RASGRF1: variants seen among roughly 807,000 people sequenced by gnomAD.
RASGRF1 encodes the protein ras-specific guanine nucleotide-releasing factor 1.
RASGRF1 carries 40 observed loss-of-function variants against 138.7 expected under a neutral mutation model. The observed-to-expected ratio is 0.29, with a 90% CI of 0.22 to 0.38. The LOEUF (loss-of-function observed/expected upper bound fraction) is 0.38, where lower values mean the gene tolerates loss of function less well. Ranked by LOEUF, RASGRF1 falls within the 10% of genes least tolerant of loss-of-function variation. RASGRF1 has a pLI of 1.00. For missense variants in RASGRF1, 1,108 were observed against 1,650.4 expected (o/e 0.67, Z 5.69); for synonymous variants, 614 against 663.2 (o/e 0.93, Z 1.14).
chr15:79,026,118 C>A (rs1037850199), intron 9 of RASGRF1, among the ~76,000 whole-genome samples: 4 of 151,996 alleles, frequency 2.6e-5, no homozygotes, highest in African/African-American at 9.7e-5. Context: ...CTCTGGTGTA[C>A]CCACCCTAAT....
intron 24 of RASGRF1, among the ~76,000 whole-genome samples, chr15:78,975,919 G>C (rs753937056): frequency 1.3e-5 from 2 of 152,152 alleles, no homozygotes. Flanking sequence ...CTCTGGAGTC[G>C]TAAGGCTGTG....
At position 79,017,906 on chromosome 15, in the gene RASGRF1, G is replaced by C. The variant is rs749019333; in HGVS notation, c.1607C>G (p.Ala536Gly). The C allele has an allele frequency of 6.2e-7, 1 of 1,611,336 alleles. No individual in the cohort carries two copies. The highest frequency in any genetic ancestry group is 8.5e-7 in the Non-Finnish European group (1 of 1,179,270). Residue 536 changes from alanine to glycine, a missense_variant and splice_region_variant, in exon 12 of 27, where the codon GCC becomes GGC. By Grantham distance (60) the Ala-to-Gly change is moderately conservative (BLOSUM62 0). Transcript: ENST00000558480. ...LEEPESTEEEAKGSGQDIDHL... is the reference protein window; with the variant it reads ...LEEPESTEEEGKGSGQDIDHL... ...ATCTATGTCTTGGCCGGATCCTTTGGCTTCCAGTTGTAAAACATAAAGTTA... is the reference window on the plus strand; with the variant it reads ...ATCTATGTCTTGGCCGGATCCTTTGCCTTCCAGTTGTAAAACATAAAGTTA...
intron 1 of RASGRF1, among the ~76,000 whole-genome samples, chr15:79,089,863 T>C (rs1339765300): frequency 6.6e-6 from 1 of 151,906 alleles, no homozygotes; most frequent in Non-Finnish European, 1.5e-5. Flanking sequence ...GGAGTGGGGG[T>C]TGGGAGCACC....
At chr15:79,019,994 G>T in intron 11 of RASGRF1, 47 bp downstream of exon 11, 1 of 1,603,034 alleles carries the variant, frequency 6.2e-7, no homozygotes, top group Non-Finnish European at 8.5e-7. Flanking sequence ...GAGCGTGTGT[G>T]TATCTGTGCA....
chr15:79,008,526 G>A (rs1248844913), intron 13 of RASGRF1, among the ~76,000 whole-genome samples: 1 of 152,234 alleles, frequency 6.6e-6, no homozygotes, highest in Non-Finnish European at 1.5e-5. Context: ...ACCTTGAGAA[G>A]CAACCATGAA....
chr15:79,024,019 T>TCACACA (rs79187609), intron 10 of RASGRF1, among the ~76,000 whole-genome samples: 14 of 149,286 alleles, frequency 9.4e-5, no homozygotes, highest in African/African-American at 3.0e-4. Flanking sequence ...GATACACACA[T>TCACACA]CACACACACA....
intron 18 of RASGRF1, 42 bp from the exon 19 acceptor site, chr15:78,998,250 G>C (rs1285163855): frequency 4.6e-6 from 7 of 1,531,054 alleles, no homozygotes; most frequent in South Asian, 2.2e-5. Flanking sequence ...TACTGTTTTT[G>C]AGCTGCTCTG....
chr15:78,968,350 C>T (rs550726651), intron 26 of RASGRF1, among the ~76,000 whole-genome samples: 2 of 151,950 alleles, frequency 1.3e-5, no homozygotes, highest in African/African-American at 4.8e-5. Flanking sequence ...TAGCTTACTA[C>T]AGCCTTGAAC....
In RASGRF1 at chr15:79,032,395, C is replaced by G. The variant is rs1433079189; in HGVS notation, c.959-79G>C. 6.3e-6 allele frequency: 9 copies of G among 1,428,052 alleles called. No homozygotes were observed. Among genetic ancestry groups the G allele is most frequent in the Non-Finnish European group, 8.7e-6 (9 of 1,035,642 alleles). 88.5% of individuals were successfully genotyped at this position (1,428,052 alleles called of 1,614,324 possible). Reference sequence around the variant, plus strand: ...TCCCCTAGGCCCTTGGCTCCCCCAGCTACACCCAGAGAGGCCAGGGGCCAG... The same window carrying G: ...TCCCCTAGGCCCTTGGCTCCCCCAGGTACACCCAGAGAGGCCAGGGGCCAG... On this transcript the variant is annotated intron_variant, in intron 6 of 26. Transcript: ENST00000558480. This position sits in a 1 kb window ranked among gnomAD's most constrained non-coding sequence, Gnocchi z 4.5.
chr15:79,002,544 T>TACACATACAC (rs2056555611), intron 15 of RASGRF1, among the ~76,000 whole-genome samples: 1 of 152,078 alleles, frequency 6.6e-6, no homozygotes, highest in African/African-American at 2.4e-5. Flanking sequence ...ACATAACAAA[T>TACACATACAC]ACACATACAC....
intron 1 of RASGRF1, among the ~76,000 whole-genome samples, chr15:79,065,238 A>G (rs143244325): frequency 6.6e-6 from 1 of 152,358 alleles, no homozygotes; most frequent in East Asian, 1.9e-4. Context: ...CTGTGGGGGC[A>G]CAGAGAAAGT....
At chr15:78,993,730 AAG>A (rs2056330090) in intron 20 of RASGRF1, among the ~76,000 whole-genome samples, 1 of 152,102 alleles carries the variant, frequency 6.6e-6, no homozygotes, top group Non-Finnish European at 1.5e-5. Flanking sequence ...GGGTGAGCTC[AAG>A]GGGCTGGGTG....
chr15:79,003,651 C>T (rs1265484795), intron 15 of RASGRF1, 151 bp downstream of exon 15: 28 of 1,248,066 alleles, frequency 2.2e-5, no homozygotes, highest in Non-Finnish European at 2.9e-5. Context: ...AGACTCTGTG[C>T]TGCCTCCACT....
intron 23 of RASGRF1, 42 bp downstream of exon 23, chr15:78,984,954 CCTAGCCCCAAT>C: frequency 6.4e-7 from 1 of 1,573,648 alleles, no homozygotes. Flanking sequence ...GTCTTCCTGC[CCTAGCCCCAAT>C]CCAGCCCCAG....
rs1450034616 is a variant in RASGRF1, at chr15:78,959,956, A to G, written c.*2188T>C. On this transcript the variant is annotated 3_prime_UTR_variant, in exon 27 of 27. Coordinates refer to ENST00000558480, the MANE Select transcript of RASGRF1 (RefSeq NM_001145648.3). ...ATAGTACTTAATACCATTAATTATA[A>G]TAATTCATTTAATTCTACTCTGTAA... 1 of 150,200 alleles carries G rather than the reference A, an allele frequency of 6.7e-6. No individual in the cohort carries two copies. The highest frequency in any genetic ancestry group is 6.6e-5 in the Admixed American group (1 of 15,244). 9.3% of individuals were successfully genotyped at this position (150,200 alleles called of 1,614,324 possible). A position where few individuals can be genotyped will look rare whatever the true frequency, so the allele number is the denominator to read the frequency against.
chr15:78,995,461 G>A (rs8033780), intron 20 of RASGRF1, among the ~76,000 whole-genome samples: 128,698 of 151,424 alleles, frequency 0.85, 54,746 homozygotes, highest in East Asian at 1. Context: ...GCTAATTTTT[G>A]TATTTTTAGT....
chr15:79,061,016 A>G lies in RASGRF1; in HGVS notation c.384-2535T>C, dbSNP rs543294326. ...GCGGGGAGTTTTCTCTGCTGGTTGT[A>G]GAAGGGGCAGTGAGAAATCTGAGGC... On this transcript the variant is annotated intron_variant, in intron 2 of 26. Coordinates refer to ENST00000558480, the MANE Select transcript of RASGRF1 (RefSeq NM_001145648.3). 1.4e-4 allele frequency among the ~76,000 whole-genome samples: 22 copies of G among 152,282 alleles called. No homozygotes were observed. In the South Asian group the frequency reaches 4.4e-3, roughly 30 times the overall value.
At chr15:79,056,429 G>A (rs2057512149) in intron 3 of RASGRF1, among the ~76,000 whole-genome samples, 1 of 152,158 alleles carries the variant, frequency 6.6e-6, no homozygotes, top group African/African-American at 2.4e-5. Flanking sequence ...GGGCCGGAGT[G>A]GGGACATCCC....
At chr15:79,007,709 G>C (rs2056711929) in intron 13 of RASGRF1, among the ~76,000 whole-genome samples, 1 of 151,402 alleles carries the variant, frequency 6.6e-6, no homozygotes, top group Admixed American at 6.6e-5. Flanking sequence ...ATGCCACTAT[G>C]CCTCGCTAAT....
Sources: gnomAD v4.1 joint callset for allele counts (sites outside exome capture counted in the v4.1 genomes callset) on GRCh38, gnomAD v4.1.1 for gene constraint, Gnocchi (gnomAD v3.1) non-coding constraint, MANE v1.5 for transcripts, NCBI Gene and HGNC (gene_info 2026-07-23, HGNC 2026-07-21) for gene names.